EXOSC10: variants seen among roughly 807,000 people sequenced by gnomAD.
EXOSC10 encodes exosome component 10.
EXOSC10 carries 94 observed loss-of-function variants against 126.6 expected under a neutral mutation model. The observed-to-expected ratio is 0.74, with a 90% CI of 0.63 to 0.88. EXOSC10 has a LOEUF of 0.88. Among genes scored for constraint, EXOSC10 ranks in the 40% least tolerant of loss-of-function variants. The pLI, the probability that EXOSC10 is intolerant of heterozygous loss-of-function variation, is 0.00. For missense variants in EXOSC10, 1,041 were observed against 1,100.5 expected, an observed-to-expected ratio of 0.95 and a Z score of 0.77; for synonymous variants, 395 against 400.8, an observed-to-expected ratio of 0.99 and a Z score of 0.17.
In EXOSC10 at chr1:11,091,151, G is replaced by A; in HGVS notation, c.506C>T (p.Ser169Phe). 6.2e-7 allele frequency: 1 copy of A among 1,614,102 alleles called. No homozygotes were observed. The highest frequency in any genetic ancestry group is 1.3e-5 in the African/African-American group (1 of 75,050). ...TGCATGAAGCAGCCGGAAAGTTTCA[G>A]ATTTTGCTTTTTTGCCATATTCTGC... ...KAAEYGKKAK[S>F]ETFRLLHAKN... is the part of the protein sequence containing the mutation. The change falls in exon 5 of 25, where the codon TCT becomes TTT. Residue 169 changes from serine to phenylalanine, a missense_variant. Ser to Phe is a radical substitution (Grantham distance 155, BLOSUM62 -2). Coordinates refer to ENST00000376936, the MANE Select transcript of EXOSC10 (RefSeq NM_001001998.3).
In EXOSC10 at chr1:11,090,950, C is replaced by G. The variant is rs1207724235; in HGVS notation, c.643+64G>C. On this transcript the variant is annotated intron_variant, in intron 5 of 24. Coordinates refer to ENST00000376936, the MANE Select transcript of EXOSC10 (RefSeq NM_001001998.3). ...TGAACAAAGAAGAGAGACCTGTACA[C>G]CCTTCCTGGTTTTTGCATCAAATAA... 6 of 1,547,898 alleles carry G rather than the reference C, an allele frequency of 3.9e-6. No individual in the cohort carries two copies. The African/African-American group carries it at 6.8e-5, about 18-fold the overall frequency.
Position 11,076,937 on chromosome 1 carries a change from C to T in EXOSC10, c.1891G>A (p.Val631Ile). The T allele has an allele frequency of 6.2e-7, 1 of 1,613,492 alleles. No homozygotes were observed. Among genetic ancestry groups the T allele is most frequent in the Non-Finnish European group, 8.5e-7 (1 of 1,179,682 alleles). ...PIIPTSGSVP[V>I]QKQASLFPDE... ...GGGAAGAGGCTCGCCTGCTTCTGAA[C>T]TGGCACAGATCCTAGAGGAGCAGAA... Residue 631 changes from valine to isoleucine, a missense_variant, in exon 17 of 25, where the codon GTT becomes ATT. Physicochemically the swap from Val to Ile is conservative, Grantham distance 29. This residue lies in a region of EXOSC10 where 388 missense variants were observed against 415.2 expected (regional missense o/e 0.93). Transcript: ENST00000376936.
chr1:11,088,251 G>A, intron 6 of EXOSC10, 53 bp from the exon 7 acceptor site: 1 of 1,384,606 alleles, frequency 7.2e-7, no homozygotes, highest in Non-Finnish European at 1.0e-6. Context: ...CATGATTCAA[G>A]GGAAAAATAA....
intron 3 of EXOSC10, among the ~76,000 whole-genome samples, chr1:11,094,676 C>T (rs2100233354): frequency 6.6e-6 from 1 of 151,324 alleles, no homozygotes; most frequent in East Asian, 2.0e-4. Flanking sequence ...TCGCGGCTCA[C>T]TGCAACCTTG....
chr1:11,090,408 A>C, intron 6 of EXOSC10, 146 bp downstream of exon 6: 2 of 710,874 alleles, frequency 2.8e-6, no homozygotes, highest in Non-Finnish European at 5.1e-6. Context: ...CACAAACAGC[A>C]GGTTTTATTG....
At chr1:11,071,007 G>A (rs1639454751) in intron 20 of EXOSC10, 34 bp from the exon 21 acceptor site, 2 of 1,599,016 alleles carry the variant, frequency 1.3e-6, no homozygotes, top group South Asian at 1.1e-5. Context: ...TGGAGTTGGT[G>A]AATCCAGCAA....
At chr1:11,088,332 C>CTTCA (rs140310085) in intron 6 of EXOSC10, 134 bp from the exon 7 acceptor site, 30,411 of 593,058 alleles carry the variant, frequency 0.051, 1,448 homozygotes, top group African/African-American at 0.14. Context: ...TTACAAAGAG[C>CTTCA]TTATTTCAGT....
At chr1:11,081,060 T>C in intron 11 of EXOSC10, 22 bp downstream of exon 11, 1 of 1,613,300 alleles carries the variant, frequency 6.2e-7, no homozygotes, top group South Asian at 1.1e-5. Flanking sequence ...TCGCGGTCTG[T>C]GTGACTGCGG....
At chr1:11,090,726 C>T in intron 5 of EXOSC10, 58 bp from the exon 6 acceptor site, 1 of 1,300,928 alleles carries the variant, frequency 7.7e-7, no homozygotes. Context: ...TTTCTAATTA[C>T]ACAGGGGTAA....
chr1:11,095,735 A>C (rs1258121848), intron 3 of EXOSC10, 23 bp downstream of exon 3: 7 of 1,610,898 alleles, frequency 4.3e-6, no homozygotes, highest in Non-Finnish European at 5.9e-6. Flanking sequence ...AAAACAAAAA[A>C]AAGAGTAAGG....
Position 11,092,674 on chromosome 1 carries a change from C to T in EXOSC10, c.373-1077G>A, listed in dbSNP as rs544162683. ...CTGGGACTACAGGTGCACGCCACCA[C>T]GCCCAGCTAATTTTTGTATTTTTTA... On this transcript the variant is annotated intron_variant, in intron 3 of 24. Transcript: ENST00000376936. Among the ~76,000 whole-genome samples, 13 of 152,130 alleles carry T rather than the reference C, an allele frequency of 8.5e-5. No homozygotes were observed. The East Asian group carries it at 1.7e-3, about 20-fold the overall frequency.
At chr1:11,077,287 G>A (rs761671077) in intron 16 of EXOSC10, 78 bp downstream of exon 16, 170 of 1,475,410 alleles carry the variant, frequency 1.2e-4, no homozygotes, top group Middle Eastern at 2.4e-4. Context: ...CACCACGCCC[G>A]GCCAAGCCTA....
At chr1:11,079,456 C>T (rs1166803137) in intron 14 of EXOSC10, among the ~76,000 whole-genome samples, 7 of 144,804 alleles carry the variant, frequency 4.8e-5, no homozygotes, top group South Asian at 2.2e-4. Context: ...TGCAGTGGCG[C>T]GATCTCGGCT....
At chr1:11,085,630 T>C (rs990448053) in intron 9 of EXOSC10, among the ~76,000 whole-genome samples, 1 of 152,210 alleles carries the variant, frequency 6.6e-6, no homozygotes, top group African/African-American at 2.4e-5. Flanking sequence ...CCTGCCTGAT[T>C]GCCCTGGCCA....
chr1:11,091,008 A>C lies in EXOSC10; in HGVS notation c.643+6T>G, dbSNP rs951901591. ...CTCAAACACAGGCAAAGTATGCACT[A>C]TTTACCTTGAGGGAGAGGTTTCTGA... On this transcript the variant is annotated splice_donor_region_variant and intron_variant, in intron 5 of 24. Transcript: ENST00000376936. 6.2e-7 allele frequency: 1 copy of C among 1,613,518 alleles called. No individual in the cohort carries two copies. The highest frequency in any genetic ancestry group is 1.7e-5 in the Admixed American group (1 of 59,850).
chr1:11,098,107 G>A lies in EXOSC10; in HGVS notation c.161C>T (p.Pro54Leu), dbSNP rs773396650. 3.6e-5 allele frequency: 58 copies of A among 1,613,032 alleles called. No homozygotes were observed. In the Middle Eastern group the frequency reaches 6.6e-4, roughly 18 times the overall value. The change falls in exon 2 of 25, where the codon CCA becomes CTA. Residue 54 changes from proline to leucine, a missense_variant. Pro to Leu is a moderately conservative substitution (Grantham distance 98). Transcript: ENST00000376936. ...VAVTKASGGL[P>L]QFGDEYDFYR... ...AAAATCATACTCATCGCCAAACTGT[G>A]GTAGGCCCCCAGATGCCTTGGTGAC...
intron 17 of EXOSC10, among the ~76,000 whole-genome samples, chr1:11,074,654 C>G (rs911669350): frequency 1.3e-5 from 2 of 152,030 alleles, no homozygotes; most frequent in African/African-American, 4.8e-5. Context: ...CTCAAGTGGT[C>G]CACCCGCCTT....
intron 17 of EXOSC10, among the ~76,000 whole-genome samples, chr1:11,075,721 T>C (rs371953531): frequency 5.6e-4 from 85 of 152,052 alleles, no homozygotes; most frequent in African/African-American, 2.0e-3. Context: ...CATGGTGGCA[T>C]ACACCTGTAG....
At chr1:11,097,168 C>A (rs1442490854) in intron 2 of EXOSC10, among the ~76,000 whole-genome samples, 1 of 151,902 alleles carries the variant, frequency 6.6e-6, no homozygotes, top group Non-Finnish European at 1.5e-5. Flanking sequence ...CGAGATCACG[C>A]CACTGCACTT....
Sources: allele counts gnomAD v4.1 joint callset (sites outside exome capture counted in the v4.1 genomes callset), GRCh38; gene constraint gnomAD v4.1.1; regional missense constraint gnomAD v4.1.1; transcripts MANE v1.5; gene names NCBI Gene and HGNC (gene_info 2026-07-23, HGNC 2026-07-21).